FRMD4B: variants seen among roughly 807,000 people sequenced by gnomAD.
The protein encoded by FRMD4B is FERM domain containing 4B.
In FRMD4B, 74 loss-of-function variants were observed where a neutral mutation model predicts 141.5. The ratio of observed to expected loss-of-function variants is 0.52; its 90% CI spans 0.43 to 0.63. FRMD4B has a LOEUF of 0.63. FRMD4B is among the 30% of genes least tolerant of loss of function. FRMD4B has a pLI of 0.00. For synonymous variants in FRMD4B, 506 were observed against 467.9 expected, an observed-to-expected ratio of 1.08 and a Z score of -1.05; for missense variants, 1,366 against 1,253.4, an observed-to-expected ratio of 1.09 and a Z score of -1.36.
At chr3:69,491,219 C>T (rs1262764910) in intron 1 of FRMD4B, among the ~76,000 whole-genome samples, 2 of 152,140 alleles carry the variant, frequency 1.3e-5, no homozygotes, top group Admixed American at 1.3e-4. Context: ...GCAGCGATTA[C>T]TCAGACAAAA....
intron 5 of FRMD4B, among the ~76,000 whole-genome samples, chr3:69,251,756 C>T (rs752544505): frequency 6.6e-6 from 1 of 152,212 alleles, no homozygotes. Flanking sequence ...AATCAACTGC[C>T]CTCTGCCTTT....
rs565141582 is a variant in FRMD4B at position 69,346,927 on chromosome 3, C to T, written c.163-33410G>A. 3.9e-5 allele frequency among the ~76,000 whole-genome samples: 6 copies of T among 152,236 alleles called. No homozygotes were observed. In the South Asian group the frequency reaches 6.2e-4, roughly 16 times the overall value. On this transcript the variant is annotated intron_variant, in intron 1 of 22. Transcript: ENST00000398540. ...GCTAGGAAGAAACTGCATCAACTAA[C>T]GAGCAAAATAACCAGCTAACATCAT...
intron 1 of FRMD4B, among the ~76,000 whole-genome samples, chr3:69,481,147 G>T (rs990261896): frequency 6.6e-6 from 1 of 152,168 alleles, no homozygotes; most frequent in African/African-American, 2.4e-5. Flanking sequence ...GGAACTCCCT[G>T]ATCCCTTGCA....
chr3:69,274,116 C>T (rs1327013457), intron 5 of FRMD4B, among the ~76,000 whole-genome samples: 2 of 152,058 alleles, frequency 1.3e-5, no homozygotes, highest in Non-Finnish European at 2.9e-5. Context: ...AGTATGACCG[C>T]AGGGTGAGTG....
intron 11 of FRMD4B, 155 bp from the exon 12 acceptor site, chr3:69,198,929 G>C: frequency 1.6e-6 from 1 of 609,546 alleles, no homozygotes; most frequent in Non-Finnish European, 3.0e-6. Flanking sequence ...AATCAACTAT[G>C]ACCTGAAACC....
intron 1 of FRMD4B, among the ~76,000 whole-genome samples, chr3:69,509,202 T>G (rs1706647629): frequency 6.6e-6 from 1 of 152,144 alleles, no homozygotes; most frequent in Non-Finnish European, 1.5e-5. Context: ...AGGTGATGGT[T>G]TCAAGGAAGG....
At chr3:69,223,625 G>A (rs1022744148) in intron 8 of FRMD4B, among the ~76,000 whole-genome samples, 40 of 152,144 alleles carry the variant, frequency 2.6e-4, no homozygotes, top group African/African-American at 9.2e-4. Context: ...GATTGCCTGA[G>A]GGCAGGAGTT....
Position 69,302,331 on chromosome 3 carries a change from G to A in FRMD4B, c.416+12C>T. On this transcript the variant is annotated intron_variant, in intron 4 of 22. Transcript: ENST00000398540. ...AAAAAGAGGGATGCTAACTGGGTCT[G>A]TGGATACATACCTCACAGCAAAGTG... is the stretch of plus-strand genomic sequence containing the variant. 6.8e-7 allele frequency: 1 copy of A among 1,477,924 alleles called. No homozygotes were observed. Among genetic ancestry groups the A allele is most frequent in the Non-Finnish European group, 9.4e-7 (1 of 1,059,178 alleles). 91.6% of individuals were successfully genotyped at this position (1,477,924 alleles called of 1,614,324 possible). A position where few individuals can be genotyped will look rare whatever the true frequency, so the allele number is the denominator to read the frequency against.
chr3:69,535,440 G>GT (rs35940905), intron 1 of FRMD4B, among the ~76,000 whole-genome samples: 22,083 of 152,204 alleles, frequency 0.15, 1,752 homozygotes, highest in South Asian at 0.24. Context: ...AGGTGAATTG[G>GT]TAACCATGTG....
At chr3:69,265,737 G>T (rs551736006) in intron 5 of FRMD4B, among the ~76,000 whole-genome samples, 7 of 152,086 alleles carry the variant, frequency 4.6e-5, no homozygotes, top group Non-Finnish European at 8.8e-5. Context: ...GTGAGCCACA[G>T]CGCCTGGCCA....
At chr3:69,424,790 G>A (rs1705050222) in intron 2 of FRMD4B, among the ~76,000 whole-genome samples, 1 of 152,142 alleles carries the variant, frequency 6.6e-6, no homozygotes, top group Non-Finnish European at 1.5e-5. Flanking sequence ...ATTCAAAGAT[G>A]AATTTAAAAT....
intron 1 of FRMD4B, among the ~76,000 whole-genome samples, chr3:69,461,848 G>A (rs1047080395): frequency 2.0e-5 from 3 of 152,028 alleles, no homozygotes; most frequent in African/African-American, 7.2e-5. Context: ...GTAATTAACA[G>A]AGTGCCACTT....
chr3:69,285,828 A>G (rs1700668279), intron 5 of FRMD4B, among the ~76,000 whole-genome samples: 1 of 152,130 alleles, frequency 6.6e-6, no homozygotes, highest in Non-Finnish European at 1.5e-5. Flanking sequence ...TGGGCAACAA[A>G]GCGAGACTCC....
intron 2 of FRMD4B, among the ~76,000 whole-genome samples, chr3:69,391,921 G>A (rs368575330): frequency 1.3e-5 from 2 of 152,310 alleles, no homozygotes; most frequent in South Asian, 4.1e-4. Context: ...TCTAAATGCT[G>A]CTAGGTGGGG....
rs767608068 is a variant in FRMD4B at position 69,410,726 on chromosome 3, A to AATATATAT, written c.-1+21900_-1+21907dup. Among the ~76,000 whole-genome samples, 115 of 86,144 alleles carry AATATATAT rather than the reference A, an allele frequency of 1.3e-3. 3 individuals carry two copies. Among genetic ancestry groups the AATATATAT allele is most frequent in the Non-Finnish European group, 2.0e-3 (83 of 41,062 alleles). The allele number at this position is 86,144 out of a possible 152,430, so 56.5% of individuals were successfully genotyped here. ...AAATATATAAATAAATAAATAAATAAATATATATATATATATATATATATA... is the reference window on the plus strand; with the variant it reads ...AAATATATAAATAAATAAATAAATAAATATATATATATATATATATATATATATATATA... On this transcript the variant is annotated intron_variant, in intron 2 of 5. Transcript: ENST00000459638.
At chr3:69,267,828 T>G (rs2093575042) in intron 5 of FRMD4B, among the ~76,000 whole-genome samples, 9 of 151,632 alleles carry the variant, frequency 5.9e-5, no homozygotes. Flanking sequence ...AGATGAGATT[T>G]CATCATGTTG....
intron 1 of FRMD4B, among the ~76,000 whole-genome samples, chr3:69,382,824 T>C (rs2106689770): frequency 6.6e-6 from 1 of 152,020 alleles, no homozygotes; most frequent in East Asian, 1.9e-4. Context: ...TTATCTGCTA[T>C]TGTGAGGGAA....
At chr3:69,347,017 A>G (rs1309981453) in intron 1 of FRMD4B, among the ~76,000 whole-genome samples, 1 of 152,264 alleles carries the variant, frequency 6.6e-6, no homozygotes, top group Non-Finnish European at 1.5e-5. Context: ...AATTGCTCCA[A>G]TTAAAAGATG....
At chr3:69,179,197 C>T (rs2092679937) in intron 21 of FRMD4B, among the ~76,000 whole-genome samples, 1 of 152,090 alleles carries the variant, frequency 6.6e-6, no homozygotes, top group Non-Finnish European at 1.5e-5. Flanking sequence ...GTCAGCAAGG[C>T]TCACACCAGG....
Sources: gnomAD v4.1 joint callset for allele counts (sites outside exome capture counted in the v4.1 genomes callset) on GRCh38, gnomAD v4.1.1 for gene constraint, MANE v1.5 for transcripts, NCBI Gene and HGNC (gene_info 2026-07-23, HGNC 2026-07-21) for gene names.